JMJD7: variants seen among roughly 807,000 people sequenced by gnomAD.
JMJD7 encodes the protein jumonji domain containing 7.
Under a neutral mutation model 41.1 loss-of-function variants are expected in JMJD7, and 41 were observed. That is an observed-to-expected ratio of 1.00 (90% confidence interval 0.78 to 1.30). JMJD7 has a LOEUF of 1.30. JMJD7 is among the 50% of genes most tolerant of loss of function. The pLI, the probability that JMJD7 is intolerant of heterozygous loss-of-function variation, is 0.00. For missense variants in JMJD7, 480 were observed against 420.7 expected (o/e 1.14, Z -1.23); for synonymous variants, 202 against 177.2 (o/e 1.14, Z -1.11).
rs751272288 is a variant in JMJD7 at position 41,835,264 on chromosome 15, A to C, written c.472+41A>C. ...GTGGTCGTGGCCCTGGACAGGGAAG[A>C]TATGGGAAGGAGGGGGGTCAGCCTG... is the stretch of plus-strand genomic sequence containing the variant. On this transcript the variant is annotated intron_variant, in intron 3 of 7. Transcript: ENST00000397299. The C allele has an allele frequency of 3.2e-6, 5 of 1,572,922 alleles. No homozygotes were observed. In the Admixed American group the frequency reaches 7.2e-5, roughly 23 times the overall value.
chr15:41,834,070 C>A (rs1178190356), intron 1 of JMJD7, among the ~76,000 whole-genome samples: 1 of 152,218 alleles, frequency 6.6e-6, no homozygotes, highest in African/African-American at 2.4e-5. Context: ...ACCACGCAGC[C>A]TGCCGAAGTG....
chr15:41,832,311 A>G, intron 1 of JMJD7: 1 of 176,494 alleles, frequency 5.7e-6, no homozygotes, highest in South Asian at 1.2e-4. Flanking sequence ...GGCCCGAGCA[A>G]AACAGGCAAA....
At chr15:41,833,414 A>ATATATAT (rs1239528383) in intron 1 of JMJD7, among the ~76,000 whole-genome samples, 19 of 32,014 alleles carry the variant, frequency 5.9e-4, no homozygotes, top group African/African-American at 1.2e-3. Context: ...ATATATATAT[A>ATATATAT]TTTTTTTTTT....
At position 41,837,320 on chromosome 15, in the gene JMJD7, G is replaced by A; in HGVS notation, c.*164G>A. The A allele has an allele frequency of 1.7e-6, 1 of 605,672 alleles. No individual in the cohort carries two copies. The allele number at this position is 605,672 out of a possible 1,614,324, so 37.5% of individuals were successfully genotyped here. On this transcript the variant is annotated 3_prime_UTR_variant, in exon 8 of 8. Transcript: ENST00000397299. ...GGAGGATCTTGGAATGTGGTCATAA[G>A]GACTCAAGGTGCCAGGCAGGTCTGG...
Position 41,836,828 on chromosome 15 carries a change from C to G in JMJD7, c.750C>G (p.Tyr250Ter), listed in dbSNP as rs778011222. ...CCTTGGCGCCAGACCTAGCACGGTA[C>G]CCTAGTTACAGTCAGGCCCAGGCCC... ...LDPLAPDLAR[Y>*]PSYSQAQALR... Residue 250 changes from tyrosine to a stop codon, truncating the protein, a stop_gained, in exon 7 of 8, where the codon TAC becomes TAG. Coordinates refer to ENST00000397299, the MANE Select transcript of JMJD7 (RefSeq NM_001114632.2). LOFTEE classifies it high-confidence loss of function. 1 of 1,612,650 alleles carries G rather than the reference C, an allele frequency of 6.2e-7. No individual in the cohort carries two copies. The highest frequency in any genetic ancestry group is 1.3e-5 in the African/African-American group (1 of 74,898).
Position 41,835,619 on chromosome 15 carries a change from G to A in JMJD7, c.504G>A (p.Leu168=). 1 of 1,613,666 alleles carries A rather than the reference G, an allele frequency of 6.2e-7. No homozygotes were observed. Among genetic ancestry groups the A allele is most frequent in the Non-Finnish European group, 8.5e-7 (1 of 1,179,760 alleles). ...GKMPDAVNFW[L]GEAAAVTSLH... Reference sequence around the variant, plus strand: ...TGCCCGATGCTGTGAACTTCTGGCTGGGGGAGGCGGCTGCAGTGACTTCTT... The same window carrying A: ...TGCCCGATGCTGTGAACTTCTGGCTAGGGGAGGCGGCTGCAGTGACTTCTT... Residue 168 remains leucine, a synonymous_variant, in exon 4 of 8, where the codon CTG becomes CTA. Coordinates refer to ENST00000397299, the MANE Select transcript of JMJD7 (RefSeq NM_001114632.2).
At chr15:41,833,392 A>ATATATATATATATAT (rs2140877332) in intron 1 of JMJD7, among the ~76,000 whole-genome samples, 1 of 70,118 alleles carries the variant, frequency 1.4e-5, no homozygotes, top group African/African-American at 5.1e-5. Flanking sequence ...TAGGTGAAAT[A>ATATATATATATATAT]CATATATATA....
Position 41,836,816 on chromosome 15 carries a change from C to G in JMJD7, c.738C>G (p.Asp246Glu), listed in dbSNP as rs771388995. 44 of 1,612,200 alleles carry G rather than the reference C, an allele frequency of 2.7e-5. No homozygotes were observed. In the Admixed American group the frequency reaches 7.0e-4, roughly 26 times the overall value. The change falls in exon 7 of 8, where the codon GAC becomes GAG. Residue 246 changes from aspartate (D) to glutamate (E), a missense_variant. Physicochemically the swap from Asp to Glu is conservative, Grantham distance 45. Coordinates refer to ENST00000397299, the MANE Select transcript of JMJD7 (RefSeq NM_001114632.2). ...TCCCACTGGACCCCTTGGCGCCAGA[C>G]CTAGCACGGTACCCTAGTTACAGTC... is the stretch of plus-strand genomic sequence containing the variant. The part of the protein sequence containing the change: ...PWIPLDPLAP[D>E]LARYPSYSQA...
intron 3 of JMJD7, 28 bp from the exon 4 acceptor site, chr15:41,835,560 A>C (rs376580880): frequency 1.2e-6 from 2 of 1,609,386 alleles, no homozygotes; most frequent in Non-Finnish European, 1.7e-6. Flanking sequence ...TGGCCTTCCT[A>C]ACTTGCTCTC....
chr15:41,835,040 G>T lies in JMJD7; in HGVS notation c.289G>T (p.Asp97Tyr), dbSNP rs1206540421. The change falls in exon 3 of 8, where the codon GAT becomes TAT. Residue 97 changes from aspartate to tyrosine, a missense_variant. Physicochemically the swap from Asp to Tyr is radical, Grantham distance 160. Transcript: ENST00000397299. ...PDGYADAVRG[D>Y]RFMMPAERRL... ...TGGTTACGCGGATGCCGTGAGAGGG[G>T]ATCGCTTCATGATGCCAGCTGAGCG... is the stretch of plus-strand genomic sequence containing the variant. The T allele has an allele frequency of 3.1e-6, 5 of 1,613,886 alleles. No homozygotes were observed. Among genetic ancestry groups the T allele is most frequent in the Non-Finnish European group, 4.2e-6 (5 of 1,180,058 alleles).
chr15:41,834,602 G>T, intron 1 of JMJD7, 138 bp from the exon 2 acceptor site: 2 of 1,267,784 alleles, frequency 1.6e-6, no homozygotes, highest in South Asian at 2.9e-5. Flanking sequence ...TCTATTACTG[G>T]TTGTCCAGGG....
intron 1 of JMJD7, among the ~76,000 whole-genome samples, chr15:41,829,598 T>G (rs1396035638): frequency 1.3e-5 from 2 of 152,270 alleles, no homozygotes; most frequent in African/African-American, 4.8e-5. Context: ...CCGGCCTTGT[T>G]AAATTCTTAG....
At chr15:41,832,208 C>T (rs986782671) in intron 1 of JMJD7, among the ~76,000 whole-genome samples, 1 of 152,232 alleles carries the variant, frequency 6.6e-6, no homozygotes, top group Non-Finnish European at 1.5e-5. Flanking sequence ...TTCGCTCACA[C>T]ACCCCTCGCT....
At chr15:41,830,401 G>C (rs757857679) in intron 1 of JMJD7, among the ~76,000 whole-genome samples, 1 of 152,228 alleles carries the variant, frequency 6.6e-6, no homozygotes, top group Non-Finnish European at 1.5e-5. Flanking sequence ...CTTGCCCGCC[G>C]CCGCTGTGGG....
In JMJD7 at chr15:41,836,943, G is replaced by T. The variant is rs2065330637; in HGVS notation, c.862+3G>T. 1 of 1,612,544 alleles carries T rather than the reference G, an allele frequency of 6.2e-7. No individual in the cohort carries two copies. Among genetic ancestry groups the T allele is most frequent in the African/African-American group, 1.3e-5 (1 of 74,906 alleles). ...GCAGTCCCAGGGCTGCATCGCAGGTGAAGAGTTGCCCAGGCCGCCTGGGGA... is the reference window on the plus strand; with the variant it reads ...GCAGTCCCAGGGCTGCATCGCAGGTTAAGAGTTGCCCAGGCCGCCTGGGGA... On this transcript the variant is annotated splice_donor_region_variant and intron_variant, in intron 7 of 7. Transcript: ENST00000397299.
rs796173415 is a variant in JMJD7 at position 41,835,126 on chromosome 15, C to T, written c.375C>T (p.Val125=). The T allele has an allele frequency of 1.9e-6, 3 of 1,610,758 alleles. No homozygotes were observed. Among genetic ancestry groups the T allele is most frequent in the South Asian group, 1.1e-5 (1 of 91,080 alleles). ...VLEGRAQHPG[V]LYVQKQCSNL... Reference sequence around the variant, plus strand: ...AGGGCCGGGCCCAGCACCCTGGAGTCCTCTATGTGCAGAAGCAGTGCTCCA... The same window carrying T: ...AGGGCCGGGCCCAGCACCCTGGAGTTCTCTATGTGCAGAAGCAGTGCTCCA... The change falls in exon 3 of 8, where the codon GTC becomes GTT. Residue 125 remains valine (V), a synonymous_variant. Transcript: ENST00000397299.
chr15:41,829,321 A>G (rs1305762621), intron 1 of JMJD7: 1 of 152,224 alleles, frequency 6.6e-6, no homozygotes, highest in Non-Finnish European at 1.5e-5. Context: ...TAAATACTTT[A>G]TATTTTTTGA....
intron 1 of JMJD7, among the ~76,000 whole-genome samples, chr15:41,834,206 A>G (rs748890737): frequency 6.6e-6 from 1 of 152,166 alleles, no homozygotes; most frequent in African/African-American, 2.4e-5. Flanking sequence ...AGAAGGTTGT[A>G]AATTTCTTAA....
chr15:41,829,973 A>G (rs1004003718), intron 1 of JMJD7, among the ~76,000 whole-genome samples: 3 of 152,202 alleles, frequency 2.0e-5, no homozygotes, highest in Non-Finnish European at 4.4e-5. Context: ...TTTTGATGAC[A>G]GTGGCGGGCA....
Sources: allele counts gnomAD v4.1 joint callset (sites outside exome capture counted in the v4.1 genomes callset), GRCh38; gene constraint gnomAD v4.1.1; transcripts MANE v1.5; gene names NCBI Gene and HGNC (gene_info 2026-07-23, HGNC 2026-07-21).